Variants in PCDHA11 observed in about 807,000 individuals in gnomAD.
PCDHA11 encodes the protein protocadherin alpha 11.
Under a neutral mutation model 70.3 loss-of-function variants are expected in PCDHA11, and 61 were observed. The ratio of observed to expected loss-of-function variants is 0.87; its 90% CI spans 0.71 to 1.07. The LOEUF (loss-of-function observed/expected upper bound fraction) is 1.07. PCDHA11 is among the 50% of genes least tolerant of loss of function. PCDHA11 has a pLI of 0.00. For missense variants in PCDHA11, 1,324 were observed against 1,237.5 expected (o/e 1.07, Z -1.05); for synonymous variants, 633 against 555.1 (o/e 1.14, Z -1.97).
chr5:141,001,946 G>A (rs1554258360), intron 3 of PCDHA11, among the ~76,000 whole-genome samples: 4 of 147,266 alleles, frequency 2.7e-5, no homozygotes, highest in African/African-American at 1.1e-4. Flanking sequence ...CGGAAATAAG[G>A]AGGAGGGAGA....
chr5:140,877,515 G>T (rs371100299), intron 1 of PCDHA11: 1 of 1,613,678 alleles, frequency 6.2e-7, no homozygotes, highest in African/African-American at 1.3e-5. Flanking sequence ...CGTCGTCGCG[G>T]GCCTCAGTGG....
intron 1 of PCDHA11, among the ~76,000 whole-genome samples, chr5:140,943,277 AGAAAG>A (rs797041544): frequency 8.1e-4 from 104 of 129,164 alleles, no homozygotes; most frequent in African/African-American, 3.0e-3. Context: ...AAAAAAAAAA[AGAAAG>A]AAAGAATTAA....
intron 1 of PCDHA11, chr5:140,927,566 A>G: frequency 6.2e-7 from 1 of 1,614,168 alleles, no homozygotes; most frequent in Non-Finnish European, 8.5e-7. Flanking sequence ...ATTGTGGTGG[A>G]CACAAATGAC....
chr5:140,955,698 T>C (rs1295764352), intron 1 of PCDHA11, among the ~76,000 whole-genome samples: 2 of 152,218 alleles, frequency 1.3e-5, no homozygotes, highest in South Asian at 2.1e-4. Context: ...TGAATGTCAA[T>C]GGAAGTTTAA....
At chr5:141,004,573 G>A (rs2098171340) in intron 3 of PCDHA11, among the ~76,000 whole-genome samples, 1 of 152,220 alleles carries the variant, frequency 6.6e-6, no homozygotes, top group South Asian at 2.1e-4. Context: ...ATATCTCTGT[G>A]TTCTGCATCT....
At chr5:141,005,478 C>T (rs1021420332) in intron 3 of PCDHA11, among the ~76,000 whole-genome samples, 8 of 151,550 alleles carry the variant, frequency 5.3e-5, no homozygotes, top group East Asian at 3.9e-4. Context: ...CCGAGACGGG[C>T]GGATCATGAG....
In PCDHA11 at chr5:140,907,883, G is replaced by A. The variant is rs374762446; in HGVS notation, c.2391+36389G>A. Among the ~76,000 whole-genome samples, 394 of 152,228 alleles carry A rather than the reference G, an allele frequency of 2.6e-3. 2 individuals carry two copies. Among genetic ancestry groups the A allele is most frequent in the African/African-American group, 9.2e-3 (382 of 41,542 alleles). ...CCAGCCGTTGGTGAGCACTCACATG[G>A]GATACAAATATCTTCACAGTTTTTG... On this transcript the variant is annotated intron_variant, in intron 1 of 3. Coordinates refer to ENST00000398640, the MANE Select transcript of PCDHA11 (RefSeq NM_018902.5).
chr5:140,927,051 G>T, intron 1 of PCDHA11: 1 of 1,612,116 alleles, frequency 6.2e-7, no homozygotes, highest in South Asian at 1.1e-5. Flanking sequence ...TGTCCTCGCG[G>T]AACTTTCGCT....
At chr5:140,943,386 A>G (rs1245126281) in intron 1 of PCDHA11, among the ~76,000 whole-genome samples, 2 of 152,154 alleles carry the variant, frequency 1.3e-5, no homozygotes, top group African/African-American at 4.8e-5. Flanking sequence ...CAGGTAAGAA[A>G]TTATGGATAT....
chr5:141,007,683 A>G (rs576789056), intron 3 of PCDHA11, among the ~76,000 whole-genome samples: 1 of 152,268 alleles, frequency 6.6e-6, no homozygotes, highest in African/African-American at 2.4e-5. Context: ...AAGTTATCCT[A>G]CTTCCACCTC....
intron 3 of PCDHA11, among the ~76,000 whole-genome samples, chr5:141,007,031 T>C (rs1554261019): frequency 6.6e-6 from 1 of 152,144 alleles, no homozygotes; most frequent in African/African-American, 2.4e-5. Flanking sequence ...ATGGTATTTA[T>C]ATCTATGGAT....
chr5:140,924,391 T>C (rs2081808127), intron 1 of PCDHA11, among the ~76,000 whole-genome samples: 1 of 152,326 alleles, frequency 6.6e-6, no homozygotes, highest in East Asian at 1.9e-4. Flanking sequence ...TTACTACTTA[T>C]ATTGCCTTAT....
intron 1 of PCDHA11, among the ~76,000 whole-genome samples, chr5:140,909,474 C>G (rs1554193804): frequency 6.6e-6 from 1 of 152,182 alleles, no homozygotes; most frequent in African/African-American, 2.4e-5. Context: ...TCTTCACAGG[C>G]TAAATAGGAG....
intron 1 of PCDHA11, among the ~76,000 whole-genome samples, chr5:140,940,102 T>C (rs1372400488): frequency 2.0e-5 from 3 of 152,228 alleles, no homozygotes; most frequent in African/African-American, 7.2e-5. Context: ...ACTTTTAGCG[T>C]TATGTATTAT....
chr5:140,882,319 G>T, intron 1 of PCDHA11: 3 of 1,614,136 alleles, frequency 1.9e-6, no homozygotes, highest in Non-Finnish European at 2.5e-6. Flanking sequence ...TACTGCTCTG[G>T]CTTCTGATCC....
intron 3 of PCDHA11, among the ~76,000 whole-genome samples, chr5:140,993,190 CTCACTAAAGCTAATTTTTT>C (rs2097544277): frequency 6.6e-6 from 1 of 152,022 alleles, no homozygotes; most frequent in Non-Finnish European, 1.5e-5. Flanking sequence ...TAGAGGGAAA[CTCACTAAAGCTAATTTTTT>C]TAGCTTTTTG....
intron 1 of PCDHA11, among the ~76,000 whole-genome samples, chr5:140,930,820 A>T (rs2153606213): frequency 6.6e-6 from 1 of 152,346 alleles, no homozygotes; most frequent in East Asian, 1.9e-4. Flanking sequence ...TGCTTAGTAA[A>T]TGCTGACTGA....
At position 140,927,806 on chromosome 5, in the gene PCDHA11, T is replaced by C. The variant is rs1554205074; in HGVS notation, c.2392-51143T>C. 4 of 1,614,004 alleles carry C rather than the reference T, an allele frequency of 2.5e-6. No individual in the cohort carries two copies. In the African/African-American group the frequency reaches 5.3e-5, roughly 22 times the overall value. On this transcript the variant is annotated intron_variant, in intron 1 of 3. Transcript: ENST00000398640. ...GCTTCACTAGGTCCGCCTGAAACGC[T>C]CTTGGAGGCATACATTGAGGCGAGG...
intron 3 of PCDHA11, among the ~76,000 whole-genome samples, chr5:140,995,853 A>G (rs934469128): frequency 4.6e-5 from 7 of 152,220 alleles, no homozygotes. Context: ...TTTCTATCGT[A>G]TCACTTAATA....
Sources: gnomAD v4.1 joint callset for allele counts (sites outside exome capture counted in the v4.1 genomes callset) on GRCh38, gnomAD v4.1.1 for gene constraint, MANE v1.5 for transcripts, NCBI Gene and HGNC (gene_info 2026-07-23, HGNC 2026-07-21) for gene names.